Variants in PLCXD1 observed in about 807,000 individuals in gnomAD.
The protein encoded by PLCXD1 is phosphatidylinositol specific phospholipase C X domain containing 1.
PLCXD1 carries 45 observed loss-of-function variants against 37.8 expected under a neutral mutation model. The observed-to-expected ratio is 1.19, with a 90% CI of 0.94 to 1.53. The LOEUF is 1.53. PLCXD1 is among the 40% of genes most tolerant of loss of function. The pLI is 0.00. For missense variants in PLCXD1, 539 were observed against 454.7 expected, an observed-to-expected ratio of 1.19 and a Z score of -1.69; for synonymous variants, 246 against 206.9, an observed-to-expected ratio of 1.19 and a Z score of -1.62.
intron 1 of PLCXD1, among the ~76,000 whole-genome samples, chrX:282,461 T>C (rs1428161887): frequency 6.6e-6 from 1 of 151,788 alleles, no homozygotes; most frequent in African/African-American, 2.4e-5. Context: ...TCCCAGCACT[T>C]TGGGAGGCCG....
At position 291,441 on chromosome X, in the gene PLCXD1, C is replaced by G. The variant is rs2069630258; in HGVS notation, c.394-58C>G. 9.0e-5 allele frequency: 142 copies of G among 1,583,068 alleles called. 4 individuals carry two copies. In the South Asian group the frequency reaches 1.5e-3, roughly 17 times the overall value. On this transcript the variant is annotated intron_variant, in intron 4 of 6. Transcript: ENST00000381657. ...GATGACAGGCGTGAGCCGCCACACC[C>G]CGCCTTCCCTGTGGTGTTGGAGTCG...
At chrX:282,654 G>A (rs2069305813) in intron 1 of PLCXD1, among the ~76,000 whole-genome samples, 1 of 150,324 alleles carries the variant, frequency 6.7e-6, no homozygotes. Context: ...GCAGTGAGCC[G>A]CGATCGCGCC....
At position 290,678 on chromosome X, in the gene PLCXD1, G is replaced by A. The variant is rs753281395; in HGVS notation, c.295G>A (p.Gly99Arg). Residue 99 changes from glycine (G) to arginine (R), a missense_variant, in exon 4 of 7, where the codon GGG becomes AGG. Physicochemically the swap from Gly to Arg is moderately radical, Grantham distance 125 (BLOSUM62 -2). Coordinates refer to ENST00000381657, the MANE Select transcript of PLCXD1 (RefSeq NM_018390.4). ...GGACGTCACAGAGCAGCTGGATGCC[G>A]GGGTGCGGTACCTGGACCTGCGGAT... ...ALDVTEQLDAGVRYLDLRIAH... is the reference protein window; with the variant it reads ...ALDVTEQLDARVRYLDLRIAH... 6.0e-5 allele frequency: 97 copies of A among 1,613,648 alleles called. No individual in the cohort carries two copies. The highest frequency in any genetic ancestry group is 7.5e-5 in the Non-Finnish European group (88 of 1,179,752).
chrX:287,438 TATAC>T (rs1415485539), intron 2 of PLCXD1, among the ~76,000 whole-genome samples: 6 of 137,646 alleles, frequency 4.4e-5, no homozygotes, highest in African/African-American at 8.2e-5. Context: ...TATAGATATA[TATAC>T]ACTATATATG....
At chrX:286,507 C>G (rs2069455167) in intron 2 of PLCXD1, among the ~76,000 whole-genome samples, 1 of 151,962 alleles carries the variant, frequency 6.6e-6, no homozygotes, top group South Asian at 2.1e-4. Flanking sequence ...TTTCTTTGGC[C>G]GGGAGCTTCG....
At chrX:278,612 G>A (rs190529520), upstream of PLCXD1, among the ~76,000 whole-genome samples, 24 of 151,928 alleles carry the variant, frequency 1.6e-4, 1 homozygote, top group African/African-American at 5.3e-4. Flanking sequence ...GGTGGTGGGC[G>A]CCTGTAGTCC....
In PLCXD1 at chrX:301,441, C is replaced by A. The variant is rs1318146670; in HGVS notation, c.*2106C>A. The A allele has an allele frequency of 1.6e-5, 2 of 124,300 alleles. No individual in the cohort carries two copies. Among genetic ancestry groups the A allele is most frequent in the Non-Finnish European group, 1.6e-5 (1 of 61,964 alleles). The allele number at this position is 124,300 out of a possible 1,614,324, so 7.7% of individuals were successfully genotyped here. ...CCTCAGGTGTCAGCCACCACACCCA[C>A]AGCTAATTTTTTTTGTAGAGATGGG... On this transcript the variant is annotated 3_prime_UTR_variant, in exon 7 of 7. Coordinates refer to ENST00000381657, the MANE Select transcript of PLCXD1 (RefSeq NM_018390.4).
At chrX:293,766 C>G (rs150030199) in intron 6 of PLCXD1, among the ~76,000 whole-genome samples, 3 of 152,106 alleles carry the variant, frequency 2.0e-5, no homozygotes, top group Non-Finnish European at 4.4e-5. Flanking sequence ...TGAGAGAAGC[C>G]AGACACAAAA....
chrX:277,207 G>A (rs1428714755), upstream of PLCXD1, among the ~76,000 whole-genome samples: 9 of 150,100 alleles, frequency 6.0e-5, no homozygotes, highest in Non-Finnish European at 1.3e-4. Flanking sequence ...CTGGGGACAG[G>A]AGGGGGCGCC....
chrX:286,704 C>G lies in PLCXD1; in HGVS notation c.128-2029C>G, dbSNP rs34090455. ...TTTGTAACGCTTTTTCATACAACGT[C>G]TGGCATTTACAGATAACAGAAGTGG... On this transcript the variant is annotated intron_variant, in intron 2 of 6. Coordinates refer to ENST00000381657, the MANE Select transcript of PLCXD1 (RefSeq NM_018390.4). Among the ~76,000 whole-genome samples, 1,314 of 152,240 alleles carry G rather than the reference C, an allele frequency of 8.6e-3. 11 individuals carry two copies. Among genetic ancestry groups the G allele is most frequent in the Admixed American group, 0.018 (278 of 15,270 alleles).
At chrX:281,871 C>A (rs2069285420) in intron 1 of PLCXD1, among the ~76,000 whole-genome samples, 187 bp downstream of exon 1, 1 of 152,054 alleles carries the variant, frequency 6.6e-6, no homozygotes, top group South Asian at 2.1e-4. Flanking sequence ...CCTCAGCCTC[C>A]TGAGTAGCTG....
intron 6 of PLCXD1, among the ~76,000 whole-genome samples, chrX:297,651 A>C (rs868009722): frequency 8.5e-4 from 31 of 36,334 alleles, no homozygotes; most frequent in East Asian, 1.2e-3. Flanking sequence ...ATCTTTGGGG[A>C]CATTATTCTG....
rs1488634588 is a variant in PLCXD1 at position 299,742 on chromosome X, C to A, written c.*407C>A. 1.5e-5 allele frequency: 3 copies of A among 199,068 alleles called. No homozygotes were observed. Among genetic ancestry groups the A allele is most frequent in the South Asian group, 8.7e-5 (1 of 11,516 alleles). 12.3% of individuals were successfully genotyped at this position (199,068 alleles called of 1,614,324 possible). ...ACTGCACTCCAGTCTGAATGATAGA[C>A]CGAGACTCCATCTCAAAAGAAAAAA... On this transcript the variant is annotated 3_prime_UTR_variant, in exon 7 of 7. Transcript: ENST00000381657.
chrX:296,390 T>G (rs971587673), intron 6 of PLCXD1, among the ~76,000 whole-genome samples: 1 of 152,184 alleles, frequency 6.6e-6, no homozygotes, highest in African/African-American at 2.4e-5. Context: ...CTCAACGTGC[T>G]GGGATGACAG....
chrX:290,158 T>G (rs1400501402), intron 3 of PLCXD1, among the ~76,000 whole-genome samples: 6 of 152,008 alleles, frequency 3.9e-5, no homozygotes, highest in African/African-American at 1.4e-4. Context: ...CCGGGCGCGG[T>G]GGCTCACGCC....
rs1430705406 is a variant in PLCXD1, at chrX:291,478, GC to G, written c.394-18del. On this transcript the variant is annotated intron_variant, in intron 4 of 6. Coordinates refer to ENST00000381657, the MANE Select transcript of PLCXD1 (RefSeq NM_018390.4). ...TGGTGTTGGAGTCGTGCAGGACTCAGCCCAGCACCCCCCTCCCCAGGACACA... is the reference window on the plus strand; with the variant it reads ...TGGTGTTGGAGTCGTGCAGGACTCAGCCAGCACCCCCCTCCCCAGGACACA... 6 of 1,611,672 alleles carry G rather than the reference GC, an allele frequency of 3.7e-6. No individual in the cohort carries two copies. The East Asian group carries it at 1.3e-4, about 36-fold the overall frequency.
chrX:280,352 G>A (rs1160317470), upstream of PLCXD1, among the ~76,000 whole-genome samples: 38 of 59,500 alleles, frequency 6.4e-4, no homozygotes, highest in Non-Finnish European at 8.1e-4. Context: ...CCGTGCAGGG[G>A]GAAGGGGGGC....
At chrX:281,146 T>G, upstream of PLCXD1, 1 of 21,820 alleles carries the variant, frequency 4.6e-5, no homozygotes, top group Admixed American at 6.7e-4. Flanking sequence ...GGGGGGGCCG[T>G]GCAGGCGGAG....
chrX:300,849 A>G lies in PLCXD1; in HGVS notation c.*1514A>G, dbSNP rs1448081954. On this transcript the variant is annotated 3_prime_UTR_variant, in exon 7 of 7. Transcript: ENST00000381657. ...CTCCCGAGTAGCTGGGATGACAGGC[A>G]TGTGCCACCACACCCGACTAATTTC... The G allele has an allele frequency of 1.3e-5, 2 of 152,026 alleles. No individual in the cohort carries two copies. The highest frequency in any genetic ancestry group is 2.9e-5 in the Non-Finnish European group (2 of 68,008). 9.4% of individuals were successfully genotyped at this position (152,026 alleles called of 1,614,324 possible).
Sources: allele counts gnomAD v4.1 joint callset (sites outside exome capture counted in the v4.1 genomes callset), GRCh38; gene constraint gnomAD v4.1.1; transcripts MANE v1.5; gene names NCBI Gene and HGNC (gene_info 2026-07-23, HGNC 2026-07-21).